Variants in CD33 observed in about 807,000 individuals in gnomAD.
CD33 encodes the protein myeloid cell surface antigen CD33.
Under a neutral mutation model 31.4 loss-of-function variants are expected in CD33, and 25 were observed. The ratio of observed to expected loss-of-function variants is 0.80; its 90% confidence interval spans 0.58 to 1.11. The LOEUF is 1.11. CD33 is among the 50% of genes most tolerant of loss of function. CD33 has a pLI of 0.00. For synonymous variants in CD33, 176 were observed against 180.6 expected (o/e 0.97, Z 0.20); for missense variants, 407 against 448.1 (o/e 0.91, Z 0.83).
intron 4 of CD33, among the ~76,000 whole-genome samples, chr19:51,229,833 C>G (rs971540723): frequency 6.6e-6 from 1 of 151,724 alleles, no homozygotes; most frequent in African/African-American, 2.4e-5. Flanking sequence ...TTCCAAAAAG[C>G]GAACTTGTTC....
intron 6 of CD33, chr19:51,237,795 G>T (rs1296244960): frequency 2.0e-5 from 3 of 152,138 alleles, no homozygotes; most frequent in African/African-American, 7.2e-5. Flanking sequence ...CATTTTAGTG[G>T]GAGTCACTCT....
At position 51,239,805 on chromosome 19, in the gene CD33, GT is replaced by G; in HGVS notation, c.*118del. On this transcript the variant is annotated 3_prime_UTR_variant, in exon 7 of 7. Transcript: ENST00000262262. ...CAGGCAATGGGTTTATAGACATTAT[GT>G]GAGTTTCCTGCTATATTAACATCAT... The G allele has an allele frequency of 1.5e-6, 1 of 687,514 alleles. No homozygotes were observed. The highest frequency in any genetic ancestry group is 3.0e-5 in the East Asian group (1 of 33,298). The allele number at this position is 687,514 out of a possible 1,614,324, so 42.6% of individuals were successfully genotyped here.
intron 6 of CD33, chr19:51,238,132 T>C (rs1019065279): frequency 2.6e-5 from 4 of 152,266 alleles, no homozygotes; most frequent in Admixed American, 1.3e-4. Flanking sequence ...CATAGATGTC[T>C]ATAGATGCCA....
chr19:51,215,683 C>T, the CD33 span, among the ~76,000 whole-genome samples: 1 of 152,218 alleles, frequency 6.6e-6, no homozygotes, highest in East Asian at 1.9e-4. Flanking sequence ...ACCCACTTCT[C>T]TTTAGCCCCA....
the CD33 span, among the ~76,000 whole-genome samples, chr19:51,215,061 T>C: frequency 6.6e-6 from 1 of 151,878 alleles, no homozygotes; most frequent in Non-Finnish European, 1.5e-5. Context: ...AGGTGGTTCT[T>C]GTGGCCATTG....
chr19:51,215,243 A>G, the CD33 span, among the ~76,000 whole-genome samples: 2 of 152,186 alleles, frequency 1.3e-5, no homozygotes, highest in Admixed American at 6.5e-5. Flanking sequence ...AAGGAGCTCA[A>G]CTGGTGGTGA....
chr19:51,222,118 T>TA (rs562372831), upstream of CD33, among the ~76,000 whole-genome samples: 65 of 152,332 alleles, frequency 4.3e-4, no homozygotes, highest in Non-Finnish European at 7.8e-4. Flanking sequence ...TCTCAAACCA[T>TA]ATCAAAATTG....
At chr19:51,213,605 C>T in the CD33 span, among the ~76,000 whole-genome samples, 1 of 151,996 alleles carries the variant, frequency 6.6e-6, no homozygotes, top group Admixed American at 6.6e-5. Context: ...GACACAATCT[C>T]AGTCCACTGC....
rs1264375726 is a variant in CD33, at chr19:51,225,317, C to T, written c.137C>T (p.Pro46Leu). The T allele has an allele frequency of 6.2e-6, 10 of 1,614,046 alleles. No homozygotes were observed. Among genetic ancestry groups the T allele is most frequent in the African/African-American group, 2.7e-5 (2 of 74,920 alleles). ...CVLVPCTFFH[P>L]IPYYDKNSPV... ...CTCGTGCCCTGCACTTTCTTCCATC[C>T]CATACCCTACTACGACAAGAACTCC... Residue 46 changes from proline (P) to leucine (L), a missense_variant, in exon 2 of 7, where the codon CCC becomes CTC. Pro to Leu is a moderately conservative substitution (Grantham distance 98, BLOSUM62 -3). Transcript: ENST00000262262.
At chr19:51,236,163 G>GAA in intron 6 of CD33, 9 of 307,300 alleles carry the variant, frequency 2.9e-5, no homozygotes, top group South Asian at 1.0e-4. Flanking sequence ...GTCCCAAAAA[G>GAA]AAAAAAAAAA....
chr19:51,225,629 G>A (rs767574610), intron 2 of CD33, 31 bp downstream of exon 2: 2 of 1,538,608 alleles, frequency 1.3e-6, no homozygotes, highest in Non-Finnish European at 1.7e-6. Flanking sequence ...GTGGCCGCAA[G>A]GGAAGTTCAT....
Position 51,226,028 on chromosome 19 carries a change from A to C in CD33, c.644A>C (p.Lys215Thr), listed in dbSNP as rs1339229809. ...GGCACCAACCTGACCTGTCAGGTGA[A>C]GTTCGCTGGAGCTGGTGTGACTACG... Reference protein sequence around the residue: ...DHGTNLTCQVKFAGAGVTTER... With the variant: ...DHGTNLTCQVTFAGAGVTTER... The change falls in exon 3 of 7, where the codon AAG becomes ACG. Residue 215 changes from lysine (K) to threonine (T), a missense_variant. By Grantham distance (78) the Lys-to-Thr change is moderately conservative. Transcript: ENST00000262262. The C allele has an allele frequency of 2.5e-6, 4 of 1,613,938 alleles. No individual in the cohort carries two copies. In the African/African-American group the frequency reaches 5.3e-5, roughly 22 times the overall value.
At chr19:51,225,745 T>C (rs1980959129) in intron 2 of CD33, 58 bp from the exon 3 acceptor site, 22 of 1,570,054 alleles carry the variant, frequency 1.4e-5, no homozygotes, top group Non-Finnish European at 1.6e-5. Flanking sequence ...TGATCTTCTC[T>C]CAGGCCCTCA....
chr19:51,226,134 T>G, intron 3 of CD33, 53 bp downstream of exon 3: 1 of 1,593,962 alleles, frequency 6.3e-7, no homozygotes, highest in Non-Finnish European at 8.6e-7. Flanking sequence ...GGAGACAGGA[T>G]GGGCTGGTGC....
the CD33 span, among the ~76,000 whole-genome samples, chr19:51,216,113 G>A: frequency 6.6e-6 from 1 of 152,028 alleles, no homozygotes; most frequent in African/African-American, 2.4e-5. Flanking sequence ...AGCCCTCTAT[G>A]ACTCTGAGAC....
chr19:51,218,927 C>G, the CD33 span, among the ~76,000 whole-genome samples: 1 of 152,102 alleles, frequency 6.6e-6, no homozygotes, highest in Non-Finnish European at 1.5e-5. Flanking sequence ...TTTACTATAG[C>G]CTTGTGGCAT....
chr19:51,226,293 T>C lies in CD33; in HGVS notation c.698-16T>C. On this transcript the variant is annotated splice_polypyrimidine_tract_variant and intron_variant, in intron 3 of 6. Coordinates refer to ENST00000262262, the MANE Select transcript of CD33 (RefSeq NM_001772.4). ...CTCTACCCCCAACTGAAGGAAATCC[T>C]CTCTTCCTCTCCTAGATGTTCCACA... The C allele has an allele frequency of 6.2e-7, 1 of 1,612,832 alleles. No homozygotes were observed. The highest frequency in any genetic ancestry group is 8.5e-7 in the Non-Finnish European group (1 of 1,178,912).
At chr19:51,222,364 T>C (rs10412121), upstream of CD33, among the ~76,000 whole-genome samples, 607 of 152,316 alleles carry the variant, frequency 4.0e-3, 4 homozygotes, top group African/African-American at 0.014. Flanking sequence ...AACTTACAAG[T>C]AGTCATTAGT....
the CD33 span, among the ~76,000 whole-genome samples, chr19:51,216,455 A>G: frequency 1.3e-5 from 2 of 152,230 alleles, no homozygotes; most frequent in Admixed American, 1.3e-4. Context: ...CACACCTGTA[A>G]TCCCAGCACT....
Sources: gnomAD v4.1 joint callset for allele counts (sites outside exome capture counted in the v4.1 genomes callset) on GRCh38, gnomAD v4.1.1 for gene constraint, MANE v1.5 for transcripts, NCBI Gene and HGNC (gene_info 2026-07-23, HGNC 2026-07-21) for gene names.